The following SCHIP1 variants were observed in gnomAD, a reference collection of about 807,000 sequenced individuals.
The protein encoded by SCHIP1 is schwannomin-interacting protein 1.
In SCHIP1, 8 loss-of-function variants were observed where a neutral mutation model predicts 29.7. That is an observed-to-expected ratio of 0.27 (90% CI 0.16 to 0.49). The LOEUF is 0.49. Among genes scored for constraint, SCHIP1 ranks in the 20% least tolerant of loss-of-function variants. SCHIP1 has a pLI of 0.99. For missense variants in SCHIP1, 193 were observed against 294.6 expected, an observed-to-expected ratio of 0.66 and a Z score of 2.52; for synonymous variants, 76 against 94.9, an observed-to-expected ratio of 0.80 and a Z score of 1.16.
At chr3:159,704,484 T>C in the SCHIP1 span, among the ~76,000 whole-genome samples, 1 of 151,464 alleles carries the variant, frequency 6.6e-6, no homozygotes, top group Non-Finnish European at 1.5e-5. Context: ...AAGACTATCT[T>C]GTTCATTATC....
chr3:159,491,125 G>C, the SCHIP1 span, among the ~76,000 whole-genome samples: 1 of 152,324 alleles, frequency 6.6e-6, no homozygotes, highest in South Asian at 2.1e-4. Context: ...GAGACAGTGG[G>C]GAGCCAAGAT....
At chr3:159,877,880 G>T (rs1351496005) in intron 2 of SCHIP1, among the ~76,000 whole-genome samples, 1 of 152,188 alleles carries the variant, frequency 6.6e-6, no homozygotes, top group African/African-American at 2.4e-5. Context: ...TTACGTTAGA[G>T]TCTGTAATTT....
chr3:159,603,211 C>T, the SCHIP1 span, among the ~76,000 whole-genome samples: 6 of 152,138 alleles, frequency 3.9e-5, no homozygotes, highest in South Asian at 4.1e-4. Context: ...GGATGAGTTA[C>T]GGGGGAAACG....
the SCHIP1 span, among the ~76,000 whole-genome samples, chr3:159,542,649 A>G: frequency 2.0e-5 from 3 of 151,986 alleles, no homozygotes; most frequent in Non-Finnish European, 2.9e-5. Flanking sequence ...TGAGTTGGTG[A>G]TAACAGGAAT....
At chr3:159,450,185 A>G in the SCHIP1 span, among the ~76,000 whole-genome samples, 5 of 152,358 alleles carry the variant, frequency 3.3e-5, no homozygotes, top group Non-Finnish European at 5.9e-5. Flanking sequence ...CTCATATTCA[A>G]TAATGTTCTA....
chr3:159,803,597 T>G, the SCHIP1 span, among the ~76,000 whole-genome samples: 2 of 152,334 alleles, frequency 1.3e-5, no homozygotes, highest in Admixed American at 1.3e-4. Context: ...TGCAGTTACT[T>G]CAGAAGCTTG....
the SCHIP1 span, among the ~76,000 whole-genome samples, chr3:159,435,244 C>T: frequency 2.6e-5 from 4 of 152,132 alleles, no homozygotes; most frequent in South Asian, 2.1e-4. Flanking sequence ...TGTGATATTC[C>T]GTGTAATTTG....
At chr3:159,630,846 C>T in the SCHIP1 span, among the ~76,000 whole-genome samples, 1 of 152,138 alleles carries the variant, frequency 6.6e-6, no homozygotes, top group Non-Finnish European at 1.5e-5. Context: ...CAAACACCAC[C>T]TGTTCCCCAA....
At chr3:159,453,625 T>A in the SCHIP1 span, among the ~76,000 whole-genome samples, 1 of 152,208 alleles carries the variant, frequency 6.6e-6, no homozygotes, top group African/African-American at 2.4e-5. Context: ...TTCACCATCA[T>A]AATCAAGTAA....
the SCHIP1 span, among the ~76,000 whole-genome samples, chr3:159,481,525 AGTT>A: frequency 7.2e-5 from 11 of 152,176 alleles, no homozygotes; most frequent in Non-Finnish European, 1.0e-4. Context: ...ACTAAAAAAA[AGTT>A]GTTTATGGGA....
At chr3:159,403,897 G>A in the SCHIP1 span, among the ~76,000 whole-genome samples, 4,122 of 152,236 alleles carry the variant, frequency 0.027, 73 homozygotes, top group East Asian at 0.11. Context: ...GAGAGGAGAG[G>A]GAAGAGTAGA....
chr3:159,660,723 A>G, the SCHIP1 span, among the ~76,000 whole-genome samples: 5 of 152,322 alleles, frequency 3.3e-5, no homozygotes, highest in South Asian at 8.3e-4. Context: ...TATGAATTTG[A>G]AGTTCTCTTT....
At chr3:159,665,448 A>AT in the SCHIP1 span, among the ~76,000 whole-genome samples, 288 of 152,200 alleles carry the variant, frequency 1.9e-3, 1 homozygote, top group African/African-American at 6.6e-3. Flanking sequence ...CCCTTTTCTA[A>AT]TAGCAGCACT....
At chr3:159,794,109 G>T in the SCHIP1 span, among the ~76,000 whole-genome samples, 1 of 152,086 alleles carries the variant, frequency 6.6e-6, no homozygotes, top group Non-Finnish European at 1.5e-5. Flanking sequence ...CAGGTTCTGG[G>T]GATCAGAACA....
chr3:159,599,628 C>G, the SCHIP1 span, among the ~76,000 whole-genome samples: 500 of 152,136 alleles, frequency 3.3e-3, 2 homozygotes, highest in African/African-American at 0.011. Flanking sequence ...GTATATATAC[C>G]ATATTTTCTT....
upstream of SCHIP1, among the ~76,000 whole-genome samples, chr3:159,837,915 A>C (rs962506238): frequency 4.6e-5 from 7 of 152,084 alleles, no homozygotes; most frequent in African/African-American, 1.2e-4. Context: ...TGCTTTATTC[A>C]TCAAGCTTTC....
At chr3:159,408,605 A>G in the SCHIP1 span, among the ~76,000 whole-genome samples, 2 of 152,232 alleles carry the variant, frequency 1.3e-5, no homozygotes, top group South Asian at 4.1e-4. Flanking sequence ...ATACAACCTG[A>G]GCAGACCAAT....
At chr3:159,635,601 A>T in the SCHIP1 span, among the ~76,000 whole-genome samples, 1 of 152,148 alleles carries the variant, frequency 6.6e-6, no homozygotes, top group Non-Finnish European at 1.5e-5. Context: ...CCTCTGGATG[A>T]GTATATGAAT....
At chr3:159,586,186 C>T in the SCHIP1 span, among the ~76,000 whole-genome samples, 2 of 152,084 alleles carry the variant, frequency 1.3e-5, no homozygotes, top group Non-Finnish European at 2.9e-5. Context: ...TAAGGACATT[C>T]GTCCCTAGGT....
Sources: gnomAD v4.1 joint callset for allele counts (sites outside exome capture counted in the v4.1 genomes callset) on GRCh38, gnomAD v4.1.1 for gene constraint, MANE v1.5 for transcripts, NCBI Gene and HGNC (gene_info 2026-07-23, HGNC 2026-07-21) for gene names.